The following PRDM5 variants were observed in gnomAD, a reference collection of about 807,000 sequenced individuals.
PRDM5 encodes the protein PR domain zinc finger protein 5.
In PRDM5, 56 loss-of-function variants were observed where a neutral mutation model predicts 81.2. The observed-to-expected ratio is 0.69, with a 90% CI of 0.56 to 0.86. The LOEUF (loss-of-function observed/expected upper bound fraction) is 0.86, where lower values mean the gene tolerates loss of function less well. Ranked by LOEUF, PRDM5 falls within the 40% of genes least tolerant of loss-of-function variation. The pLI is 0.00. For missense variants in PRDM5, 697 were observed against 770.1 expected (o/e 0.91, Z 1.12); for synonymous variants, 267 against 256.4 (o/e 1.04, Z -0.39).
At chr4:120,691,117 A>AT (rs1313041134), downstream of PRDM5, among the ~76,000 whole-genome samples, 1 of 152,100 alleles carries the variant, frequency 6.6e-6, no homozygotes, top group Non-Finnish European at 1.5e-5. Context: ...TGTGTTAAGA[A>AT]TTTTTTTAAA....
At chr4:120,770,073 C>T (rs1271191565) in intron 13 of PRDM5, among the ~76,000 whole-genome samples, 1 of 152,078 alleles carries the variant, frequency 6.6e-6, no homozygotes, top group African/African-American at 2.4e-5. Context: ...CGTTCTGTCG[C>T]CCAGGTTGGA....
chr4:120,801,427 G>A (rs547467402), intron 8 of PRDM5, among the ~76,000 whole-genome samples: 21 of 152,368 alleles, frequency 1.4e-4, no homozygotes, highest in African/African-American at 5.0e-4. Context: ...TTAATTCAAT[G>A]CCCAAGCACG....
At chr4:120,707,655 A>G (rs766475941) in intron 15 of PRDM5, among the ~76,000 whole-genome samples, 2 of 151,982 alleles carry the variant, frequency 1.3e-5, no homozygotes, top group African/African-American at 4.8e-5. Context: ...CAAAAACATG[A>G]TCAAATAGAG....
intron 8 of PRDM5, among the ~76,000 whole-genome samples, chr4:120,808,540 T>TG (rs1753336368): frequency 6.6e-6 from 1 of 152,158 alleles, no homozygotes; most frequent in Non-Finnish European, 1.5e-5. Flanking sequence ...GGAGCCCAGC[T>TG]GGCTTCACCC....
chr4:120,739,303 T>G (rs1741559322), intron 14 of PRDM5, among the ~76,000 whole-genome samples: 1 of 152,202 alleles, frequency 6.6e-6, no homozygotes, highest in South Asian at 2.1e-4. Flanking sequence ...TACTTCTTAA[T>G]GTAAAGAGCA....
rs1048320803 is a variant in PRDM5 at position 120,891,161 on chromosome 4, C to T, written c.177+16313G>A. 3.4e-4 allele frequency among the ~76,000 whole-genome samples: 52 copies of T among 152,218 alleles called. 1 individual carries two copies. The highest frequency in any genetic ancestry group is 1.2e-3 in the African/African-American group (49 of 41,548). On this transcript the variant is annotated intron_variant, in intron 2 of 15. Coordinates refer to ENST00000264808, the MANE Select transcript of PRDM5 (RefSeq NM_018699.4). Reference sequence around the variant, plus strand: ...ATTTGATTGTGAATCCATCTGGTCTCGGGCTTTTTCTGGTTTTTAGGCTTT... The same window carrying T: ...ATTTGATTGTGAATCCATCTGGTCTTGGGCTTTTTCTGGTTTTTAGGCTTT...
chr4:120,823,635 C>T (rs1755585483), intron 3 of PRDM5, among the ~76,000 whole-genome samples: 1 of 152,192 alleles, frequency 6.6e-6, no homozygotes, highest in Non-Finnish European at 1.5e-5. Flanking sequence ...AATCCTGCAA[C>T]TCTTCATGGT....
intron 5 of PRDM5, 39 bp from the exon 6 acceptor site, chr4:120,816,963 A>G: frequency 6.7e-7 from 1 of 1,500,084 alleles, no homozygotes; most frequent in Non-Finnish European, 9.3e-7. Context: ...AAAGAAAACA[A>G]AAACTGGAAC....
intron 2 of PRDM5, among the ~76,000 whole-genome samples, chr4:120,890,706 A>G (rs868280703): frequency 1.3e-5 from 2 of 152,318 alleles, no homozygotes; most frequent in Middle Eastern, 3.4e-3. Context: ...TTTGATTTGC[A>G]TATCTCTAAT....
chr4:120,745,787 A>G (rs1184678818), intron 14 of PRDM5, among the ~76,000 whole-genome samples: 8 of 146,536 alleles, frequency 5.5e-5, no homozygotes, highest in Admixed American at 1.3e-4. Context: ...AAAAGAGGAT[A>G]CAAACAAATG....
Position 120,877,806 on chromosome 4 carries a change from AAAAT to A in PRDM5, c.178-24270_178-24267del, listed in dbSNP as rs1369033683. On this transcript the variant is annotated intron_variant, in intron 2 of 15. Transcript: ENST00000264808. ...GGTGACAAAGCAAGACTCCGTCTCAAAAATAAATAAATAAACAAACAAACAAACT... is the reference window on the plus strand; with the variant it reads ...GGTGACAAAGCAAGACTCCGTCTCAAAAATAAATAAACAAACAAACAAACT... Among the ~76,000 whole-genome samples the A allele has an allele frequency of 3.3e-5, 5 of 152,236 alleles. No homozygotes were observed. In the East Asian group the frequency reaches 5.8e-4, roughly 18 times the overall value.
intron 14 of PRDM5, among the ~76,000 whole-genome samples, chr4:120,717,666 A>T (rs1200450372): frequency 1.3e-5 from 2 of 152,212 alleles, no homozygotes; most frequent in South Asian, 2.1e-4. Flanking sequence ...CTAAAAGATT[A>T]GAGGTATGAC....
intron 14 of PRDM5, among the ~76,000 whole-genome samples, chr4:120,734,377 T>C (rs1163882835): frequency 7.0e-6 from 1 of 143,434 alleles, no homozygotes; most frequent in African/African-American, 2.7e-5. Flanking sequence ...CTAGCTCCAG[T>C]GAGATGTTAG....
At chr4:120,684,848 C>T (rs1733777024), downstream of PRDM5, 1 of 151,758 alleles carries the variant, frequency 6.6e-6, no homozygotes, top group Non-Finnish European at 1.5e-5. Context: ...AAGAATATTA[C>T]ATTGAATATT....
chr4:120,816,423 T>C (rs758876910), intron 7 of PRDM5, 30 bp downstream of exon 7: 3 of 1,614,124 alleles, frequency 1.9e-6, no homozygotes, highest in South Asian at 2.2e-5. Context: ...AGGAAGCCCC[T>C]TCGGAAACGA....
chr4:120,908,626 C>T (rs994744166), intron 1 of PRDM5, among the ~76,000 whole-genome samples: 1 of 152,014 alleles, frequency 6.6e-6, no homozygotes, highest in Non-Finnish European at 1.5e-5. Flanking sequence ...AAAAGAGGTC[C>T]GGAGAAGCCA....
At position 120,896,425 on chromosome 4, in the gene PRDM5, T is replaced by A. The variant is rs566071615; in HGVS notation, c.177+11049A>T. On this transcript the variant is annotated intron_variant, in intron 2 of 15. Transcript: ENST00000264808. Reference sequence around the variant, plus strand: ...TTAATATCTTTAAATTCTGTCACTTTCATTCTAAAGAGATAGCACAGCATC... The same window carrying A: ...TTAATATCTTTAAATTCTGTCACTTACATTCTAAAGAGATAGCACAGCATC... The A allele has an allele frequency of 2.0e-5, 3 of 152,144 alleles. No individual in the cohort carries two copies. The South Asian group carries it at 6.2e-4, about 32-fold the overall frequency. 9.4% of individuals were successfully genotyped at this position (152,144 alleles called of 1,614,324 possible).
intron 13 of PRDM5, among the ~76,000 whole-genome samples, chr4:120,763,450 TA>T (rs2149184898): frequency 6.6e-6 from 1 of 152,176 alleles, no homozygotes; most frequent in Admixed American, 6.5e-5. Context: ...CGACAGACAA[TA>T]AAGGGTCTTG....
chr4:120,751,327 T>C (rs1456434098), intron 14 of PRDM5, among the ~76,000 whole-genome samples: 4 of 151,428 alleles, frequency 2.6e-5, no homozygotes, highest in Admixed American at 6.6e-5. Flanking sequence ...ATCAATGAAA[T>C]TGAAAATATC....
Sources: allele counts gnomAD v4.1 joint callset (sites outside exome capture counted in the v4.1 genomes callset), GRCh38; gene constraint gnomAD v4.1.1; transcripts MANE v1.5; gene names NCBI Gene and HGNC (gene_info 2026-07-23, HGNC 2026-07-21).